Variants in PDE4D observed in about 807,000 individuals in gnomAD.
PDE4D encodes the protein 3',5'-cyclic-AMP phosphodiesterase 4D.
Under a neutral mutation model 87.4 loss-of-function variants are expected in PDE4D, and 24 were observed. The observed-to-expected ratio is 0.27, with a 90% CI of 0.20 to 0.39. The LOEUF is 0.39. Ranked by LOEUF, PDE4D falls within the 10% of genes least tolerant of loss-of-function variation. The pLI is 1.00. For synonymous variants in PDE4D, 384 were observed against 383.2 expected (o/e 1.00, Z -0.02); for missense variants, 714 against 1,041.0 (o/e 0.69, Z 4.32).
chr5:59,713,632 A>G (rs1382112895), intron 1 of PDE4D, among the ~76,000 whole-genome samples: 4 of 152,048 alleles, frequency 2.6e-5, no homozygotes, highest in African/African-American at 9.7e-5. Context: ...GTCCCTGCTG[A>G]TTCTGGGTTG....
chr5:59,483,603 C>T (rs1804621547), intron 1 of PDE4D, among the ~76,000 whole-genome samples: 1 of 152,056 alleles, frequency 6.6e-6, no homozygotes, highest in Non-Finnish European at 1.5e-5. Context: ...AAGGTAATGC[C>T]CGTTTACTTT....
At chr5:59,381,704 TC>T (rs1468982185) in intron 1 of PDE4D, among the ~76,000 whole-genome samples, 1 of 152,106 alleles carries the variant, frequency 6.6e-6, no homozygotes, top group Non-Finnish European at 1.5e-5. Context: ...TATTTTATCC[TC>T]TCTTTTGTGT....
intron 2 of PDE4D, among the ~76,000 whole-genome samples, chr5:60,172,265 T>TACAC (rs58938460): frequency 0.45 from 63,553 of 140,738 alleles, 15,248 homozygotes; most frequent in Non-Finnish European, 0.55. Context: ...AGTACTTCAA[T>TACAC]ACACACACAC....
intron 6 of PDE4D, among the ~76,000 whole-genome samples, chr5:59,026,959 A>G (rs1385304644): frequency 6.6e-6 from 1 of 152,156 alleles, no homozygotes; most frequent in African/African-American, 2.4e-5. Context: ...TTATTAAACA[A>G]AGTCCACACT....
At chr5:59,570,557 C>T (rs532075829) in intron 1 of PDE4D, among the ~76,000 whole-genome samples, 108 of 151,838 alleles carry the variant, frequency 7.1e-4, no homozygotes, top group Non-Finnish European at 1.2e-3. Flanking sequence ...GTTATTGATC[C>T]GTGTAAGTCA....
intron 1 of PDE4D, among the ~76,000 whole-genome samples, chr5:60,312,477 C>G (rs1240860709): frequency 6.6e-6 from 1 of 152,108 alleles, no homozygotes; most frequent in Non-Finnish European, 1.5e-5. Context: ...GTTCTGCACT[C>G]CTAGGAGGCC....
At chr5:59,703,581 T>G in intron 1 of PDE4D, 1 of 534,564 alleles carries the variant, frequency 1.9e-6, no homozygotes, top group South Asian at 1.4e-5. Context: ...GGTGTTTTCT[T>G]TGTCCCCAGC....
At chr5:60,063,133 AGAAAGAAAGAAAGAAAGAAAGAAG>A (rs1771643144) in intron 2 of PDE4D, among the ~76,000 whole-genome samples, 2 of 150,534 alleles carry the variant, frequency 1.3e-5, no homozygotes, top group African/African-American at 4.9e-5. Context: ...AAAGAAAGAA[AGAAAGAAAGAAAGAAAGAAAGAAG>A]GAAAGAAAGA....
chr5:60,369,659 A>G (rs1404879335), intron 1 of PDE4D, among the ~76,000 whole-genome samples: 1 of 152,174 alleles, frequency 6.6e-6, no homozygotes, highest in African/African-American at 2.4e-5. Flanking sequence ...CTTTAGAAAA[A>G]CCAACAAAAA....
At chr5:59,719,971 T>C (rs972942362) in intron 1 of PDE4D, among the ~76,000 whole-genome samples, 1 of 152,154 alleles carries the variant, frequency 6.6e-6, no homozygotes, top group East Asian at 1.9e-4. Context: ...ATTTTTCCCA[T>C]AAAATTCTCC....
intron 1 of PDE4D, among the ~76,000 whole-genome samples, chr5:59,888,134 T>C (rs569616107): frequency 3.3e-5 from 5 of 152,360 alleles, no homozygotes; most frequent in Non-Finnish European, 5.9e-5. Context: ...TAGAGAAATA[T>C]GTCTTGTTGA....
chr5:59,859,044 G>A (rs1018294991), intron 1 of PDE4D, among the ~76,000 whole-genome samples: 9 of 152,142 alleles, frequency 5.9e-5, no homozygotes, highest in African/African-American at 2.2e-4. Context: ...ATTCACTAGT[G>A]TTATTCACAA....
intron 1 of PDE4D, among the ~76,000 whole-genome samples, chr5:59,504,947 CGT>C (rs1312899972): frequency 5.5e-5 from 8 of 144,292 alleles, no homozygotes; most frequent in South Asian, 2.2e-4. Flanking sequence ...TGTGCGTGCG[CGT>C]GTGTTTGTGT....
At chr5:59,201,443 A>G (rs1747355179) in intron 2 of PDE4D, among the ~76,000 whole-genome samples, 2 of 152,146 alleles carry the variant, frequency 1.3e-5, no homozygotes, top group African/African-American at 4.8e-5. Flanking sequence ...TTTTCCAAAA[A>G]TAATGTTCAC....
intron 2 of PDE4D, among the ~76,000 whole-genome samples, chr5:60,178,155 C>A (rs1004741252): frequency 2.0e-5 from 3 of 152,106 alleles, no homozygotes; most frequent in African/African-American, 7.2e-5. Flanking sequence ...AAAATACTGT[C>A]CCAGTGCTAG....
intron 1 of PDE4D, among the ~76,000 whole-genome samples, chr5:59,763,166 TCTGAGTCTGGGGTCA>T (rs1762379774): frequency 1.3e-5 from 2 of 151,590 alleles, no homozygotes; most frequent in Non-Finnish European, 2.9e-5. Flanking sequence ...ATTTTAAAAA[TCTGAGTCTGGGGTCA>T]GGGGAGCGGG....
intron 1 of PDE4D, among the ~76,000 whole-genome samples, chr5:59,296,354 A>ATT (rs1302936157): frequency 3.9e-5 from 6 of 152,156 alleles, no homozygotes; most frequent in Non-Finnish European, 8.8e-5. Flanking sequence ...GGAATTTTGA[A>ATT]TTGTGATGAA....
At chr5:60,287,896 A>G (rs147593640) in intron 1 of PDE4D, among the ~76,000 whole-genome samples, 2 of 152,352 alleles carry the variant, frequency 1.3e-5, no homozygotes, top group African/African-American at 4.8e-5. Context: ...AGAGGGAGGT[A>G]CCTGATGCTA....
intron 1 of PDE4D, among the ~76,000 whole-genome samples, chr5:60,428,976 C>T (rs1193139347): frequency 6.6e-6 from 1 of 152,178 alleles, no homozygotes. Flanking sequence ...GGTGACAATA[C>T]ATCCAGTTTA....
Sources: allele counts gnomAD v4.1 joint callset (sites outside exome capture counted in the v4.1 genomes callset), GRCh38; gene constraint gnomAD v4.1.1; transcripts MANE v1.5; gene names NCBI Gene and HGNC (gene_info 2026-07-23, HGNC 2026-07-21).